Variants in VPS4B observed in about 807,000 individuals in gnomAD.
The protein encoded by VPS4B is vacuolar protein sorting 4 homolog B, also known as vacuolar protein sorting-associated protein 4B.
Under a neutral mutation model 56.1 loss-of-function variants are expected in VPS4B, and 23 were observed. The observed-to-expected ratio is 0.41, with a 90% confidence interval of 0.30 to 0.58. The LOEUF (loss-of-function observed/expected upper bound fraction) is 0.58, where lower values mean the gene tolerates loss of function less well. Among genes scored for constraint, VPS4B ranks in the 20% least tolerant of loss-of-function variants. The pLI is 0.29. For missense variants in VPS4B, 372 were observed against 531.9 expected (o/e 0.70, Z 2.96); for synonymous variants, 177 against 186.0 (o/e 0.95, Z 0.39).
Position 63,393,495 on chromosome 18 carries a change from G to C in VPS4B, c.1147C>G (p.Pro383Ala). ...GCACCAGGGTCACCTGGAGAGCAAG[G>C]TGTTAGCAGATCATCTACAAGATGG... Reference protein sequence around the residue: ...PNHLVDDLLTPCSPGDPGAIE... With the variant: ...PNHLVDDLLTACSPGDPGAIE... Residue 383 changes from proline (P) to alanine (A), a missense_variant, in exon 10 of 11, where the codon CCT becomes GCT. This residue lies in a region of VPS4B where 153 missense variants were observed against 190.9 expected (regional missense o/e 0.80). Coordinates refer to ENST00000238497, the MANE Select transcript of VPS4B (RefSeq NM_004869.4). 6.2e-7 allele frequency: 1 copy of C among 1,612,632 alleles called. No homozygotes were observed. Among genetic ancestry groups the C allele is most frequent in the South Asian group, 1.1e-5 (1 of 90,804 alleles).
chr18:63,400,750 T>G, intron 5 of VPS4B, 47 bp from the exon 6 acceptor site: 1 of 1,550,546 alleles, frequency 6.4e-7, no homozygotes, highest in Non-Finnish European at 8.8e-7. Context: ...TAACACTTAA[T>G]TGTATCATCT....
At chr18:63,407,155 G>A (rs7235575) in intron 4 of VPS4B, among the ~76,000 whole-genome samples, 64,968 of 151,994 alleles carry the variant, frequency 0.43, 15,246 homozygotes, top group East Asian at 0.84. Flanking sequence ...TCTAAAAGGC[G>A]GCAAATAAAC....
In VPS4B at chr18:63,422,221, G is replaced by A. The variant is rs755524372; in HGVS notation, c.27+12C>T. On this transcript the variant is annotated intron_variant, in intron 1 of 10. Coordinates refer to ENST00000238497, the MANE Select transcript of VPS4B (RefSeq NM_004869.4). ...CCAGCTCCCTAGGGGGACGGGAGAT[G>A]AGCAATGATACCTGGAGGTTGGGCG... is the stretch of plus-strand genomic sequence containing the variant. 18 of 1,511,018 alleles carry A rather than the reference G, an allele frequency of 1.2e-5. No homozygotes were observed. Among genetic ancestry groups the A allele is most frequent in the Non-Finnish European group, 1.4e-5 (16 of 1,128,062 alleles). 93.6% of individuals were successfully genotyped at this position (1,511,018 alleles called of 1,614,324 possible).
chr18:63,419,146 G>T (rs1351692310), intron 1 of VPS4B, among the ~76,000 whole-genome samples: 1 of 152,182 alleles, frequency 6.6e-6, no homozygotes, highest in Non-Finnish European at 1.5e-5. Flanking sequence ...GATACAGCAG[G>T]GAGCAGTGGC....
intron 7 of VPS4B, 59 bp from the exon 8 acceptor site, chr18:63,399,382 T>C (rs1915760512): frequency 7.0e-7 from 1 of 1,434,124 alleles, no homozygotes; most frequent in African/African-American, 1.4e-5. Context: ...TTTAAACTTC[T>C]TCCATATATT....
intron 1 of VPS4B, chr18:63,415,504 T>C (rs571552121): frequency 4.9e-4 from 147 of 302,858 alleles, no homozygotes; most frequent in Admixed American, 1.1e-3. Flanking sequence ...AATTTTTCTC[T>C]GGTTGATCCC....
chr18:63,398,974 T>C (rs1915749505), intron 8 of VPS4B, among the ~76,000 whole-genome samples: 1 of 152,224 alleles, frequency 6.6e-6, no homozygotes, highest in African/African-American at 2.4e-5. Flanking sequence ...CCACCAAACT[T>C]AATCAGAATG....
intron 3 of VPS4B, among the ~76,000 whole-genome samples, chr18:63,408,259 T>C (rs1915960395): frequency 6.6e-6 from 1 of 151,624 alleles, no homozygotes; most frequent in Admixed American, 6.6e-5. Context: ...AAGCCAAAAA[T>C]AAGGCATTAT....
In VPS4B at chr18:63,393,539, G is replaced by A; in HGVS notation, c.1103C>T (p.Pro368Leu). The A allele has an allele frequency of 6.3e-7, 1 of 1,583,984 alleles. No homozygotes were observed. Among genetic ancestry groups the A allele is most frequent in the South Asian group, 1.2e-5 (1 of 84,952 alleles). Reference sequence around the variant, plus strand: ...AAGATGGTTAGGATCAGCTCGGGAAGGTCCGCGAACCTGAAATAAACAGTA... The same window carrying A: ...AAGATGGTTAGGATCAGCTCGGGAAAGTCCGCGAACCTGAAATAAACAGTA... ...SATHFKKVRG[P>L]SRADPNHLVD... Residue 368 changes from proline (P) to leucine (L), a missense_variant, in exon 10 of 11, where the codon CCT becomes CTT. Coordinates refer to ENST00000238497, the MANE Select transcript of VPS4B (RefSeq NM_004869.4).
chr18:63,405,796 AAAACAAAC>A (rs548392723), intron 4 of VPS4B, among the ~76,000 whole-genome samples: 249 of 151,306 alleles, frequency 1.6e-3, no homozygotes, highest in African/African-American at 4.1e-3. Flanking sequence ...CACCTCTACA[AAAACAAAC>A]AAACAAACAA....
At chr18:63,393,745 G>A (rs1915607608) in intron 9 of VPS4B, among the ~76,000 whole-genome samples, 196 bp from the exon 10 acceptor site, 1 of 149,020 alleles carries the variant, frequency 6.7e-6, no homozygotes, top group East Asian at 1.9e-4. Context: ...GTTGCTTTTA[G>A]TTTTTTTTTT....
At position 63,393,560 on chromosome 18, in the gene VPS4B, C is replaced by T. The variant is rs769649955; in HGVS notation, c.1093-11G>A. 3 of 1,561,744 alleles carry T rather than the reference C, an allele frequency of 1.9e-6. No homozygotes were observed. The highest frequency in any genetic ancestry group is 2.3e-5 in the East Asian group (1 of 42,724). ...GGAAGGTCCGCGAACCTGAAATAAACAGTAATCTGAAATATGTATTTGAAA... is the reference window on the plus strand; with the variant it reads ...GGAAGGTCCGCGAACCTGAAATAAATAGTAATCTGAAATATGTATTTGAAA... On this transcript the variant is annotated splice_polypyrimidine_tract_variant and intron_variant, in intron 9 of 10. Coordinates refer to ENST00000238497, the MANE Select transcript of VPS4B (RefSeq NM_004869.4).
intron 9 of VPS4B, 85 bp from the exon 10 acceptor site, chr18:63,393,634 A>G (rs1040612696): frequency 2.9e-5 from 37 of 1,272,500 alleles, no homozygotes; most frequent in Middle Eastern, 2.1e-4. Context: ...GTTAAAATGT[A>G]TAATAGTTTT....
chr18:63,420,815 G>A (rs760366884), intron 1 of VPS4B, among the ~76,000 whole-genome samples: 3 of 151,996 alleles, frequency 2.0e-5, no homozygotes, highest in Non-Finnish European at 2.9e-5. Context: ...TGAGGTAGGC[G>A]GATCACCTGA....
At position 63,422,434 on chromosome 18, in the gene VPS4B, C is replaced by T. The variant is rs746708456; in HGVS notation, c.-175G>A. 2.1e-5 allele frequency: 10 copies of T among 476,552 alleles called. No homozygotes were observed. Among genetic ancestry groups the T allele is most frequent in the Non-Finnish European group, 3.2e-5 (9 of 285,546 alleles). The allele number at this position is 476,552 out of a possible 1,614,324, so 29.5% of individuals were successfully genotyped here. On this transcript the variant is annotated 5_prime_UTR_variant, in exon 1 of 11. Transcript: ENST00000238497. ...TTAGACAACACTCTCTCCACCAGAGCTCCGACCCTCCCCACCAAACTTCCG... is the reference window on the plus strand; with the variant it reads ...TTAGACAACACTCTCTCCACCAGAGTTCCGACCCTCCCCACCAAACTTCCG...
rs942318678 is a variant in VPS4B at position 63,407,592 on chromosome 18, T to A, written c.297-93A>T. On this transcript the variant is annotated intron_variant, in intron 3 of 10. Transcript: ENST00000238497. Reference sequence around the variant, plus strand: ...AAAATTAACCTGAAATATTTGTAATTTCAGTGGCAAAATCAGACATTTACA... The same window carrying A: ...AAAATTAACCTGAAATATTTGTAATATCAGTGGCAAAATCAGACATTTACA... 20 of 979,560 alleles carry A rather than the reference T, an allele frequency of 2.0e-5. No homozygotes were observed. The Middle Eastern group carries it at 1.0e-3, about 50-fold the overall frequency. 60.7% of individuals were successfully genotyped at this position (979,560 alleles called of 1,614,324 possible).
At chr18:63,418,592 G>GT (rs1350170685) in intron 1 of VPS4B, among the ~76,000 whole-genome samples, 8 of 152,118 alleles carry the variant, frequency 5.3e-5, no homozygotes, top group African/African-American at 1.9e-4. Context: ...GTAGAGAGGG[G>GT]TTTTCACCAT....
At chr18:63,409,699 G>A (rs1211433034) in intron 3 of VPS4B, among the ~76,000 whole-genome samples, 1 of 152,144 alleles carries the variant, frequency 6.6e-6, no homozygotes. Context: ...ACGTTTATAA[G>A]TTATGCTGTG....
intron 2 of VPS4B, 56 bp from the exon 3 acceptor site, chr18:63,410,502 T>C (rs373467577): frequency 4.5e-5 from 71 of 1,579,292 alleles, no homozygotes; most frequent in South Asian, 2.1e-4. Flanking sequence ...GTAGAAAGGT[T>C]TGAACTCTTA....
Sources: gnomAD v4.1 joint callset for allele counts (sites outside exome capture counted in the v4.1 genomes callset) on GRCh38, gnomAD v4.1.1 for gene constraint, gnomAD v4.1.1 regional missense constraint, MANE v1.5 for transcripts, NCBI Gene and HGNC (gene_info 2026-07-23, HGNC 2026-07-21) for gene names.